The following KCNN3 variants were observed in gnomAD, a reference collection of about 807,000 sequenced individuals.
KCNN3 encodes potassium calcium-activated channel subfamily N member 3, also known as small conductance calcium-activated potassium channel protein 3.
In KCNN3, 16 loss-of-function variants were observed where a neutral mutation model predicts 62.9. That is an observed-to-expected ratio of 0.25 (90% CI 0.17 to 0.39). KCNN3 has a LOEUF of 0.39. Among genes scored for constraint, KCNN3 ranks in the 10% least tolerant of loss-of-function variants. KCNN3 has a pLI of 1.00. For missense variants in KCNN3, 599 were observed against 949.4 expected (o/e 0.63, Z 4.85); for synonymous variants, 370 against 389.2 (o/e 0.95, Z 0.58).
In KCNN3 at chr1:154,823,908, C is replaced by T. The variant is rs531501358; in HGVS notation, c.934-1724G>A. Among the ~76,000 whole-genome samples the T allele has an allele frequency of 9.9e-4, 150 of 152,258 alleles. 1 individual carries two copies. The highest frequency in any genetic ancestry group is 1.9e-3 in the Non-Finnish European group (130 of 68,014). On this transcript the variant is annotated intron_variant, in intron 1 of 7. Transcript: ENST00000271915. ...CAAGTGCCCAGGTCCATGCTCTCGG[C>T]CCCACTCTGTGTGCTGAGATGGAAT...
At chr1:154,754,769 T>C (rs893639301) in intron 3 of KCNN3, among the ~76,000 whole-genome samples, 2 of 152,242 alleles carry the variant, frequency 1.3e-5, no homozygotes, top group African/African-American at 4.8e-5. Flanking sequence ...CGGACTTCTT[T>C]GGCGTCAGAC....
At chr1:154,766,741 G>A (rs1648309193) in intron 3 of KCNN3, among the ~76,000 whole-genome samples, 1 of 150,516 alleles carries the variant, frequency 6.6e-6, no homozygotes, top group Non-Finnish European at 1.5e-5. Flanking sequence ...GTGCAGTGGC[G>A]TGATCTCGGC....
rs1647984144 is a variant in KCNN3 at position 154,760,974 on chromosome 1, A to G, written c.1448+11001T>C. Among the ~76,000 whole-genome samples the G allele has an allele frequency of 2.0e-5, 3 of 152,224 alleles. No individual in the cohort carries two copies. In the South Asian group the frequency reaches 6.2e-4, roughly 31 times the overall value. On this transcript the variant is annotated intron_variant, in intron 3 of 7. Transcript: ENST00000271915. ...ACTTGCATTGCGCTTGTTAGAGAAA[A>G]TTATGTGTAAAAACTGAGCCATTCA...
intron 1 of KCNN3, among the ~76,000 whole-genome samples, chr1:154,840,547 G>A (rs1401443598): frequency 6.6e-6 from 1 of 152,154 alleles, no homozygotes; most frequent in African/African-American, 2.4e-5. Flanking sequence ...GCCAATCCTT[G>A]TCATTCAAAG....
chr1:154,749,246 C>A (rs959619518), intron 3 of KCNN3, among the ~76,000 whole-genome samples: 7 of 152,244 alleles, frequency 4.6e-5, no homozygotes, highest in Admixed American at 3.9e-4. Context: ...GTGAATGGCA[C>A]CCCCTGGAGG....
chr1:154,763,143 C>CTTATTTAT (rs1648099241), intron 3 of KCNN3, among the ~76,000 whole-genome samples: 1 of 152,118 alleles, frequency 6.6e-6, no homozygotes, highest in Admixed American at 6.5e-5. Flanking sequence ...TTAAAACATC[C>CTTATTTAT]TAAGAATCAG....
chr1:154,859,757 C>T (rs146669951), intron 1 of KCNN3: 480 of 1,614,142 alleles, frequency 3.0e-4, no homozygotes, highest in Non-Finnish European at 2.2e-4. Context: ...TTGCAGATGT[C>T]GCGTGGCAGG....
At chr1:154,781,466 A>C in intron 2 of KCNN3, among the ~76,000 whole-genome samples, 1 of 152,204 alleles carries the variant, frequency 6.6e-6, no homozygotes, top group East Asian at 1.9e-4. Flanking sequence ...CCAACATGGG[A>C]AACAGACAAA....
At chr1:154,851,949 G>A (rs541763261) in intron 1 of KCNN3, among the ~76,000 whole-genome samples, 6 of 152,174 alleles carry the variant, frequency 3.9e-5, no homozygotes, top group Non-Finnish European at 7.4e-5. Context: ...AGCCAGACCC[G>A]CCTCCCCTGT....
chr1:154,865,905 C>G lies in KCNN3; in HGVS notation c.933+3127G>C, dbSNP rs1253471610. On this transcript the variant is annotated intron_variant, in intron 1 of 7. Coordinates refer to ENST00000271915, the MANE Select transcript of KCNN3 (RefSeq NM_002249.6). The stretch of plus-strand genomic sequence containing the variant: ...AGCTGCCACTGGATGGGCAGAATTA[C>G]CTAATCTGCCTGGTACCCCTGAGGT... Among the ~76,000 whole-genome samples, 4 of 152,192 alleles carry G rather than the reference C, an allele frequency of 2.6e-5. No individual in the cohort carries two copies. In the East Asian group the frequency reaches 7.7e-4, roughly 29 times the overall value.
intron 6 of KCNN3, 57 bp downstream of exon 6, chr1:154,714,819 G>A: frequency 6.2e-7 from 1 of 1,608,630 alleles, no homozygotes; most frequent in Non-Finnish European, 8.5e-7. Context: ...AGAGTTGTAG[G>A]AGTCCCGCCA....
intron 5 of KCNN3, among the ~76,000 whole-genome samples, chr1:154,721,063 T>G (rs1700336178): frequency 6.6e-6 from 1 of 152,058 alleles, no homozygotes; most frequent in Non-Finnish European, 1.5e-5. Flanking sequence ...GTGGGTTTAA[T>G]TTTGGTCTTA....
intron 1 of KCNN3, among the ~76,000 whole-genome samples, chr1:154,859,438 G>A (rs1652666060): frequency 6.6e-6 from 1 of 152,192 alleles, no homozygotes; most frequent in Non-Finnish European, 1.5e-5. Flanking sequence ...TCCTCCCCAG[G>A]TTAGTGGATG....
At chr1:154,865,321 G>A (rs533557523) in intron 1 of KCNN3, among the ~76,000 whole-genome samples, 3 of 151,670 alleles carry the variant, frequency 2.0e-5, no homozygotes, top group South Asian at 2.1e-4. Context: ...TCGTCACAAT[G>A]TCTAAGACTT....
chr1:154,762,778 A>C lies in KCNN3; in HGVS notation c.1448+9197T>G, dbSNP rs1648078784. Among the ~76,000 whole-genome samples the C allele has an allele frequency of 2.6e-5, 4 of 152,264 alleles. No individual in the cohort carries two copies. In the South Asian group the frequency reaches 8.3e-4, roughly 32 times the overall value. On this transcript the variant is annotated intron_variant, in intron 3 of 7. Coordinates refer to ENST00000271915, the MANE Select transcript of KCNN3 (RefSeq NM_002249.6). ...TCACTTTGTTTTCTGGAGCTTGCTCATGGTTTCTTCTTTTACATCTGACTT... is the reference window on the plus strand; with the variant it reads ...TCACTTTGTTTTCTGGAGCTTGCTCCTGGTTTCTTCTTTTACATCTGACTT...
intron 2 of KCNN3, among the ~76,000 whole-genome samples, chr1:154,777,730 C>T (rs1450515815): frequency 2.0e-5 from 3 of 152,218 alleles, no homozygotes; most frequent in Non-Finnish European, 4.4e-5. Context: ...TCTAGACCAG[C>T]TTGACTGTTG....
At chr1:154,740,981 C>G (rs910788407) in intron 3 of KCNN3, among the ~76,000 whole-genome samples, 1 of 152,164 alleles carries the variant, frequency 6.6e-6, no homozygotes, top group Non-Finnish European at 1.5e-5. Context: ...TTAAATTTTA[C>G]TGTAGGTGAC....
At position 154,708,127 on chromosome 1, in the gene KCNN3, C is replaced by A. The variant is rs1167358894; in HGVS notation, c.2045G>T (p.Arg682Leu). The A allele has an allele frequency of 1.9e-6, 3 of 1,613,748 alleles. No individual in the cohort carries two copies. The highest frequency in any genetic ancestry group is 2.5e-6 in the Non-Finnish European group (3 of 1,180,016). ...SLPLLIADTL[R>L]QQQQQLLSAI... Reference sequence around the variant, plus strand: ...AGACAGGAGCTGCTGCTGCTGCTGGCGCAGGGTGTCGGCGATGAGCAGCGG... The same window carrying A: ...AGACAGGAGCTGCTGCTGCTGCTGGAGCAGGGTGTCGGCGATGAGCAGCGG... The change falls in exon 8 of 8, where the codon CGC (arginine) becomes CTC (leucine). Residue 682 changes from arginine to leucine, a missense_variant. This residue lies in a region of KCNN3 where 288 missense variants were observed against 557.4 expected (regional missense o/e 0.52). Transcript: ENST00000271915.
chr1:154,816,308 T>C (rs1650660338), intron 2 of KCNN3, among the ~76,000 whole-genome samples: 2 of 152,160 alleles, frequency 1.3e-5, no homozygotes, highest in South Asian at 4.1e-4. Flanking sequence ...ATCTGATTGA[T>C]GCCTTTTACT....
Sources: gnomAD v4.1 joint callset for allele counts (sites outside exome capture counted in the v4.1 genomes callset) on GRCh38, gnomAD v4.1.1 for gene constraint, gnomAD v4.1.1 regional missense constraint, MANE v1.5 for transcripts, NCBI Gene and HGNC (gene_info 2026-07-23, HGNC 2026-07-21) for gene names.